TENM4: variants seen among roughly 807,000 people sequenced by gnomAD.
The protein encoded by TENM4 is teneurin transmembrane protein 4.
In TENM4, 82 loss-of-function variants were observed where a neutral mutation model predicts 243.3. The observed-to-expected ratio is 0.34, with a 90% CI of 0.28 to 0.40. The LOEUF (loss-of-function observed/expected upper bound fraction) is 0.40, where lower values mean the gene tolerates loss of function less well. TENM4 is among the 10% of genes least tolerant of loss of function. The pLI, the probability that TENM4 is intolerant of heterozygous loss-of-function variation, is 1.00. For missense variants in TENM4, 3,138 were observed against 3,673.3 expected, an observed-to-expected ratio of 0.85 and a Z score of 3.77; for synonymous variants, 1,412 against 1,456.3, an observed-to-expected ratio of 0.97 and a Z score of 0.69.
chr11:79,208,480 A>C (rs1863892324), intron 3 of TENM4, among the ~76,000 whole-genome samples: 1 of 152,228 alleles, frequency 6.6e-6, no homozygotes, highest in Non-Finnish European at 1.5e-5. Flanking sequence ...AATACTACTC[A>C]GGCAGATACT....
intron 9 of TENM4, among the ~76,000 whole-genome samples, chr11:78,867,096 G>A (rs1246011739): frequency 1.3e-5 from 2 of 152,052 alleles, no homozygotes; most frequent in Non-Finnish European, 2.9e-5. Flanking sequence ...TATCTTTTGT[G>A]TTACAAACAA....
At chr11:79,096,926 G>GCGCGCACA (rs1680716275) in intron 4 of TENM4, 1 of 124,350 alleles carries the variant, frequency 8.0e-6, no homozygotes, top group Non-Finnish European at 1.6e-5. Flanking sequence ...GCGCGCGCGC[G>GCGCGCACA]CGCACACACA....
chr11:79,289,958 T>C (rs1311659773), intron 2 of TENM4, among the ~76,000 whole-genome samples: 1 of 146,552 alleles, frequency 6.8e-6, no homozygotes, highest in Admixed American at 6.7e-5. Flanking sequence ...TCTTTCTTTT[T>C]CTTTTTCTTT....
At chr11:79,007,514 G>A (rs996741871) in intron 6 of TENM4, among the ~76,000 whole-genome samples, 2 of 152,074 alleles carry the variant, frequency 1.3e-5, no homozygotes, top group African/African-American at 2.4e-5. Context: ...CACTGCAAGC[G>A]GTATGCAGGC....
intron 1 of TENM4, among the ~76,000 whole-genome samples, chr11:79,363,238 C>T (rs763894668): frequency 1.5e-4 from 23 of 152,346 alleles, no homozygotes; most frequent in South Asian, 4.1e-4. Flanking sequence ...TGCAGTTCAG[C>T]GGCAGCTGCC....
chr11:79,428,973 T>G (rs555181554), intron 1 of TENM4, among the ~76,000 whole-genome samples: 2 of 152,172 alleles, frequency 1.3e-5, no homozygotes, highest in Non-Finnish European at 2.9e-5. Context: ...CTGGAACAGT[T>G]GTAGAGCAAT....
intron 1 of TENM4, among the ~76,000 whole-genome samples, chr11:79,418,078 C>T (rs539939182): frequency 6.6e-6 from 1 of 152,164 alleles, no homozygotes; most frequent in Non-Finnish European, 1.5e-5. Context: ...ACTAGTACTG[C>T]CTAATAGAAA....
At chr11:78,748,154 A>G (rs1208109018) in intron 19 of TENM4, among the ~76,000 whole-genome samples, 1 of 152,220 alleles carries the variant, frequency 6.6e-6, no homozygotes. Context: ...ATGTATACTA[A>G]TGCTATAGCT....
chr11:78,927,373 TC>T (rs1422664549), intron 6 of TENM4, among the ~76,000 whole-genome samples: 1 of 152,246 alleles, frequency 6.6e-6, no homozygotes, highest in Non-Finnish European at 1.5e-5. Flanking sequence ...AGTAGCTGGC[TC>T]TACTCCACCT....
intron 6 of TENM4, among the ~76,000 whole-genome samples, chr11:79,012,448 T>A (rs965366485): frequency 2.6e-5 from 4 of 152,166 alleles, no homozygotes; most frequent in Non-Finnish European, 5.9e-5. Flanking sequence ...GGCAGTTCCC[T>A]CATTTGATCT....
intron 3 of TENM4, among the ~76,000 whole-genome samples, chr11:79,203,261 A>G (rs969620066): frequency 3.3e-5 from 5 of 152,196 alleles, no homozygotes; most frequent in African/African-American, 1.2e-4. Context: ...GCAATTCAAC[A>G]CCTGGGTATT....
At chr11:78,716,906 A>G (rs1859533653) in intron 25 of TENM4, among the ~76,000 whole-genome samples, 1 of 152,214 alleles carries the variant, frequency 6.6e-6, no homozygotes, top group South Asian at 2.1e-4. Flanking sequence ...AATACTCTAC[A>G]AATCATAAAT....
At chr11:78,906,118 C>A (rs1346431089) in intron 6 of TENM4, among the ~76,000 whole-genome samples, 1 of 152,234 alleles carries the variant, frequency 6.6e-6, no homozygotes, top group African/African-American at 2.4e-5. Flanking sequence ...TAGGAGTCAA[C>A]CTCATGGCAT....
chr11:79,124,756 A>AAT (rs59360725), intron 4 of TENM4, among the ~76,000 whole-genome samples: 52,286 of 133,578 alleles, frequency 0.39, 10,443 homozygotes, highest in South Asian at 0.43. Flanking sequence ...GAACTAATCA[A>AAT]ATATATATAT....
chr11:79,278,959 G>A (rs753173353), intron 2 of TENM4, among the ~76,000 whole-genome samples: 5 of 152,146 alleles, frequency 3.3e-5, no homozygotes, highest in African/African-American at 9.7e-5. Flanking sequence ...CCAGACAAGC[G>A]CACAGGGCCC....
intron 1 of TENM4, among the ~76,000 whole-genome samples, chr11:79,432,958 T>C (rs536656314): frequency 3.3e-4 from 51 of 152,246 alleles, no homozygotes; most frequent in South Asian, 1.2e-3. Context: ...TATGTGTTCG[T>C]TTTGTTCTTG....
At chr11:79,283,213 A>AACACACACACACACACAC (rs33993080) in intron 2 of TENM4, among the ~76,000 whole-genome samples, 1 of 135,932 alleles carries the variant, frequency 7.4e-6, no homozygotes, top group Non-Finnish European at 1.6e-5. Context: ...CACACACACA[A>AACACACACACACACACAC]ACACACACAC....
intron 4 of TENM4, among the ~76,000 whole-genome samples, chr11:79,087,327 A>G (rs1236551040): frequency 3.3e-5 from 5 of 152,194 alleles, no homozygotes; most frequent in Non-Finnish European, 7.3e-5. Context: ...CAAGGAAATG[A>G]TTAACTACCC....
intron 18 of TENM4, among the ~76,000 whole-genome samples, chr11:78,769,668 CT>C (rs1287783078): frequency 3.9e-5 from 6 of 152,184 alleles, no homozygotes; most frequent in African/African-American, 1.4e-4. Flanking sequence ...GAACATAGGC[CT>C]TCTGTTTCTG....
Sources: gnomAD v4.1 joint callset for allele counts (sites outside exome capture counted in the v4.1 genomes callset) on GRCh38, gnomAD v4.1.1 for gene constraint, MANE v1.5 for transcripts, NCBI Gene and HGNC (gene_info 2026-07-23, HGNC 2026-07-21) for gene names.